The following KAZN variants were observed in gnomAD, a reference collection of about 807,000 sequenced individuals.
The protein encoded by KAZN is kazrin.
Under a neutral mutation model 87.4 loss-of-function variants are expected in KAZN, and 40 were observed. The observed-to-expected ratio is 0.46, with a 90% CI of 0.36 to 0.60. The LOEUF is 0.60. Ranked by LOEUF, KAZN falls within the 20% of genes least tolerant of loss-of-function variation. KAZN has a pLI of 0.00. For missense variants in KAZN, 898 were observed against 1,073.9 expected, an observed-to-expected ratio of 0.84 and a Z score of 2.29; for synonymous variants, 466 against 458.3, an observed-to-expected ratio of 1.02 and a Z score of -0.22.
chr1:14,447,485 C>T (rs1441345388), intron 2 of KAZN, among the ~76,000 whole-genome samples: 1 of 152,008 alleles, frequency 6.6e-6, no homozygotes, highest in East Asian at 1.9e-4. Flanking sequence ...GTGATCCACC[C>T]GCCTTGGCCT....
intron 4 of KAZN, 143 bp from the exon 5 acceptor site, chr1:15,055,948 C>A (rs1435317205): frequency 3.9e-6 from 3 of 771,728 alleles, no homozygotes; most frequent in Non-Finnish European, 6.3e-6. Context: ...GCTTGACTTA[C>A]CAATTGACGC....
At chr1:14,620,953 C>G (rs1269900291) in intron 1 of KAZN, among the ~76,000 whole-genome samples, 5 of 152,156 alleles carry the variant, frequency 3.3e-5, no homozygotes, top group Non-Finnish European at 7.3e-5. Context: ...ATAGATGGTC[C>G]TCATCATCTC....
intron 1 of KAZN, among the ~76,000 whole-genome samples, chr1:14,892,697 T>C (rs1004859797): frequency 3.3e-5 from 5 of 152,262 alleles, no homozygotes; most frequent in South Asian, 4.2e-4. Context: ...TCAGGGTTCA[T>C]AGGGGTGTGT....
intron 1 of KAZN, among the ~76,000 whole-genome samples, chr1:14,031,208 G>T (rs955797847): frequency 2.0e-5 from 3 of 152,138 alleles, no homozygotes; most frequent in Non-Finnish European, 2.9e-5. Flanking sequence ...CACATGAAAA[G>T]GTATGTCCAA....
intron 1 of KAZN, among the ~76,000 whole-genome samples, chr1:14,747,328 G>T (rs530513951): frequency 6.6e-6 from 1 of 152,008 alleles, no homozygotes; most frequent in African/African-American, 2.4e-5. Context: ...CCAGGCTGGA[G>T]TGCAGTGACA....
At chr1:14,220,813 CATACTT>C (rs566575111) in intron 2 of KAZN, among the ~76,000 whole-genome samples, 531 of 152,300 alleles carry the variant, frequency 3.5e-3, no homozygotes, top group African/African-American at 0.012. Flanking sequence ...TATTCCCAAC[CATACTT>C]ATACTTGTCA....
intron 2 of KAZN, among the ~76,000 whole-genome samples, chr1:14,402,197 C>A: frequency 6.8e-6 from 1 of 147,662 alleles, no homozygotes. Flanking sequence ...ATTTTAAATA[C>A]AAAACCCACA....
intron 4 of KAZN, among the ~76,000 whole-genome samples, chr1:15,047,284 T>C (rs530296608): frequency 6.6e-6 from 1 of 152,298 alleles, no homozygotes; most frequent in South Asian, 2.1e-4. Context: ...ACCGCCAGGC[T>C]GTGTTGCCTG....
At chr1:14,774,898 C>G (rs1217678829) in intron 1 of KAZN, among the ~76,000 whole-genome samples, 2 of 152,174 alleles carry the variant, frequency 1.3e-5, no homozygotes, top group African/African-American at 4.8e-5. Context: ...CTGCCATTGT[C>G]CCTTCTCCTT....
At chr1:14,335,747 G>A (rs936401650) in intron 2 of KAZN, among the ~76,000 whole-genome samples, 19 of 150,980 alleles carry the variant, frequency 1.3e-4, no homozygotes, top group African/African-American at 2.2e-4. Context: ...GCATGTGCGC[G>A]CACACACACA....
chr1:14,577,928 TCTAA>T (rs1426624677), intron 2 of KAZN, among the ~76,000 whole-genome samples: 1 of 152,086 alleles, frequency 6.6e-6, no homozygotes, highest in African/African-American at 2.4e-5. Flanking sequence ...GGACCCACGG[TCTAA>T]CTGTCAAAAG....
intron 2 of KAZN, among the ~76,000 whole-genome samples, chr1:14,363,644 G>A (rs1302074976): frequency 1.3e-5 from 2 of 152,104 alleles, no homozygotes; most frequent in Non-Finnish European, 1.5e-5. Context: ...TTAACCTATG[G>A]GCCAAATCCA....
At chr1:13,969,427 T>C (rs1341778480) in intron 1 of KAZN, among the ~76,000 whole-genome samples, 2 of 152,178 alleles carry the variant, frequency 1.3e-5, no homozygotes, top group African/African-American at 2.4e-5. Context: ...AGGCAGACTT[T>C]AGGATGATGC....
intron 1 of KAZN, among the ~76,000 whole-genome samples, chr1:14,061,438 A>G (rs1276241893): frequency 6.6e-6 from 1 of 152,226 alleles, no homozygotes; most frequent in African/African-American, 2.4e-5. Flanking sequence ...CAGGCAGAAG[A>G]GAGCTTGGTA....
intron 2 of KAZN, among the ~76,000 whole-genome samples, chr1:14,382,697 T>C (rs1661480611): frequency 1.4e-5 from 2 of 147,374 alleles, no homozygotes; most frequent in African/African-American, 2.5e-5. Context: ...ATGTGCCACA[T>C]TTTCTTAATC....
At chr1:14,482,645 T>C (rs1669142832) in intron 2 of KAZN, among the ~76,000 whole-genome samples, 2 of 151,266 alleles carry the variant, frequency 1.3e-5, no homozygotes, top group Admixed American at 6.6e-5. Context: ...AGGGAGGGAG[T>C]TGGGGAGGGG....
chr1:14,979,862 G>A (rs1234473605), intron 2 of KAZN, among the ~76,000 whole-genome samples: 1 of 152,030 alleles, frequency 6.6e-6, no homozygotes, highest in African/African-American at 2.4e-5. Flanking sequence ...AGTTTAGAAC[G>A]GTAAGTACCT....
intron 1 of KAZN, among the ~76,000 whole-genome samples, chr1:14,649,962 AT>A (rs1328785393): frequency 4.6e-5 from 7 of 151,594 alleles, no homozygotes; most frequent in Admixed American, 2.0e-4. Flanking sequence ...TGGCACCTAA[AT>A]TCTACCTCAT....
chr1:14,533,663 G>A (rs1672331187), intron 2 of KAZN, among the ~76,000 whole-genome samples: 1 of 151,916 alleles, frequency 6.6e-6, no homozygotes, highest in Non-Finnish European at 1.5e-5. Flanking sequence ...CTCCTTGCTT[G>A]CCCCCCACCC....
Sources: gnomAD v4.1 joint callset for allele counts (sites outside exome capture counted in the v4.1 genomes callset) on GRCh38, gnomAD v4.1.1 for gene constraint, MANE v1.5 for transcripts, NCBI Gene and HGNC (gene_info 2026-07-23, HGNC 2026-07-21) for gene names.